Variants in USP28 observed in about 807,000 individuals in gnomAD.
USP28 encodes the protein ubiquitin specific peptidase 28, also known as ubiquitin carboxyl-terminal hydrolase 28.
A neutral mutation model predicts 145.0 loss-of-function variants in USP28; 113 were observed. The ratio of observed to expected loss-of-function variants is 0.78; its 90% CI spans 0.67 to 0.91. USP28 has a LOEUF of 0.91. USP28 is among the 40% of genes least tolerant of loss of function. USP28 has a pLI of 0.00. For synonymous variants in USP28, 447 were observed against 450.9 expected, an observed-to-expected ratio of 0.99 and a Z score of 0.11; for missense variants, 1,201 against 1,289.6, an observed-to-expected ratio of 0.93 and a Z score of 1.05.
At chr11:113,841,110 A>G (rs1448024204) in intron 4 of USP28, among the ~76,000 whole-genome samples, 1 of 152,202 alleles carries the variant, frequency 6.6e-6, no homozygotes, top group African/African-American at 2.4e-5. Flanking sequence ...TGTGCTAAAG[A>G]TAAGAGCCTC....
intron 7 of USP28, among the ~76,000 whole-genome samples, chr11:113,833,190 T>G (rs1441867032): frequency 1.3e-5 from 2 of 152,166 alleles, no homozygotes; most frequent in Non-Finnish European, 2.9e-5. Context: ...CTACTACTAT[T>G]TCTTCTTCTC....
At chr11:113,862,126 C>T (rs914315070) in intron 1 of USP28, among the ~76,000 whole-genome samples, 1 of 152,060 alleles carries the variant, frequency 6.6e-6, no homozygotes, top group Non-Finnish European at 1.5e-5. Context: ...GCGGGCGGAT[C>T]ACCTGAGGTC....
At chr11:113,812,435 T>C in exon 16 of USP28, 1 of 1,614,112 alleles carries the variant, frequency 6.2e-7, no homozygotes, top group Non-Finnish European at 8.5e-7. Context: ...TGATTATAGA[T>C]ATAGGCCCAA....
chr11:113,845,431 G>T (rs1189285655), intron 3 of USP28, among the ~76,000 whole-genome samples: 1 of 144,792 alleles, frequency 6.9e-6, no homozygotes, highest in Non-Finnish European at 1.5e-5. Context: ...TAAAGACCCT[G>T]TCTCAAAAAA....
At chr11:113,866,687 T>A (rs1161824943) in intron 1 of USP28, among the ~76,000 whole-genome samples, 1 of 152,202 alleles carries the variant, frequency 6.6e-6, no homozygotes, top group Non-Finnish European at 1.5e-5. Flanking sequence ...AACCCTTGTG[T>A]ATTGCTGGTG....
exon 23 of USP28, chr11:113,803,172 T>C (rs1374336634): frequency 6.2e-7 from 1 of 1,613,794 alleles, no homozygotes. Context: ...AGGCATTTTC[T>C]TCGGTATAAA....
chr11:113,833,704 A>C (rs1316099748), intron 6 of USP28, 147 bp from the exon 7 acceptor site: 1 of 719,868 alleles, frequency 1.4e-6, no homozygotes, highest in Non-Finnish European at 2.2e-6. Context: ...TGTTACAGGG[A>C]CTCTGGTAAG....
exon 23 of USP28, chr11:113,803,208 G>C (rs61760223): frequency 2.5e-6 from 4 of 1,614,050 alleles, no homozygotes; most frequent in Non-Finnish European, 3.4e-6. Context: ...TTGACCCCCC[G>C]GCGGGGCCCC....
chr11:113,800,247 C>T (rs147499211), intron 24 of USP28, among the ~76,000 whole-genome samples: 13,794 of 152,136 alleles, frequency 0.091, 787 homozygotes, highest in Middle Eastern at 0.17. Flanking sequence ...CCTCGTGATC[C>T]GCCCACCTCA....
intron 22 of USP28, 72 bp from the exon 24 acceptor site, chr11:113,803,353 C>G: frequency 6.9e-7 from 1 of 1,457,832 alleles, no homozygotes; most frequent in Admixed American, 2.5e-5. Context: ...CCTCACTTTT[C>G]CCCATTTCAA....
At chr11:113,804,374 T>C (rs988466744) in intron 21 of USP28, among the ~76,000 whole-genome samples, 1 of 152,218 alleles carries the variant, frequency 6.6e-6, no homozygotes, top group African/African-American at 2.4e-5. Flanking sequence ...TTTTTAAAAC[T>C]TTATCATTTA....
At chr11:113,860,450 A>G (rs1169153759) in intron 1 of USP28, among the ~76,000 whole-genome samples, 1 of 151,746 alleles carries the variant, frequency 6.6e-6, no homozygotes, top group Non-Finnish European at 1.5e-5. Context: ...AGCAAAAAAA[A>G]AAAAAAGAAA....
At chr11:113,806,097 T>TA (rs34431962) in intron 19 of USP28, among the ~76,000 whole-genome samples, 3,068 of 147,298 alleles carry the variant, frequency 0.021, 75 homozygotes, top group African/African-American at 0.066. Flanking sequence ...CCCAGCTAAT[T>TA]AAAAAAAAAA....
At chr11:113,870,199 T>C (rs1948679661) in intron 1 of USP28, among the ~76,000 whole-genome samples, 1 of 151,466 alleles carries the variant, frequency 6.6e-6, no homozygotes, top group Non-Finnish European at 1.5e-5. Flanking sequence ...AGCAAAAAAG[T>C]GGTAATGAGG....
At position 113,806,599 on chromosome 11, in the gene USP28, C is replaced by G. The variant is rs776253246; in HGVS notation, c.2305-15G>C. 2.0e-6 allele frequency: 3 copies of G among 1,517,484 alleles called. No homozygotes were observed. Among genetic ancestry groups the G allele is most frequent in the Non-Finnish European group, 2.7e-6 (3 of 1,127,148 alleles). The allele number at this position is 1,517,484 out of a possible 1,614,324, so 94.0% of individuals were successfully genotyped here. A position where few individuals can be genotyped will look rare whatever the true frequency, so the allele number is the denominator to read the frequency against. Reference sequence around the variant, plus strand: ...CTCAGCATCACCTACCACAAGGGGGCACAAAACACAGAGAGAAAGGAGAGA... The same window carrying G: ...CTCAGCATCACCTACCACAAGGGGGGACAAAACACAGAGAGAAAGGAGAGA... On this transcript the variant is annotated splice_polypyrimidine_tract_variant and intron_variant, in intron 18 of 24. Transcript: ENST00000003302.
At position 113,875,450 on chromosome 11, in the gene USP28, CG is replaced by C; in HGVS notation, c.51del (p.His17GlnfsTer9). 1 of 1,250,176 alleles carries C rather than the reference CG, an allele frequency of 8.0e-7. No individual in the cohort carries two copies. The highest frequency in any genetic ancestry group is 2.3e-5 in the South Asian group (1 of 43,504). The allele number at this position is 1,250,176 out of a possible 1,614,324, so 77.4% of individuals were successfully genotyped here. The stretch of plus-strand genomic sequence containing the variant: ...CTCGCCGCCGCGGAGCCCACCGAGC[CG>C]TGGCCGTCTGCCGCGCCGGCCGCGT... On this transcript the variant is annotated frameshift_variant, in exon 1 of 25. Coordinates refer to ENST00000003302, the Ensembl canonical transcript of USP28. LOFTEE classifies it high-confidence loss of function.
chr11:113,819,458 C>G (rs751384815), intron 12 of USP28, among the ~76,000 whole-genome samples: 1 of 151,926 alleles, frequency 6.6e-6, no homozygotes, highest in Non-Finnish European at 1.5e-5. Flanking sequence ...GTACCTGGTA[C>G]GAAAATTCAA....
At chr11:113,854,089 C>T (rs1328075477) in intron 2 of USP28, among the ~76,000 whole-genome samples, 169 bp downstream of exon 2, 1 of 152,146 alleles carries the variant, frequency 6.6e-6, no homozygotes, top group Non-Finnish European at 1.5e-5. Context: ...AAATCTCCCC[C>T]AGCCCCTTAT....
At chr11:113,863,610 G>A (rs560301723) in intron 1 of USP28, among the ~76,000 whole-genome samples, 15 of 143,252 alleles carry the variant, frequency 1.0e-4, no homozygotes, top group Admixed American at 2.2e-4. Flanking sequence ...GTGCCACTGC[G>A]CTCCAGCCTG....
Sources: allele counts gnomAD v4.1 joint callset (sites outside exome capture counted in the v4.1 genomes callset), GRCh38; gene constraint gnomAD v4.1.1; transcripts MANE v1.5; gene names NCBI Gene and HGNC (gene_info 2026-07-23, HGNC 2026-07-21).